The following XKR4 variants were observed in gnomAD, a reference collection of about 807,000 sequenced individuals.
XKR4 encodes the protein XK-related protein 4.
A neutral mutation model predicts 53.9 loss-of-function variants in XKR4; 12 were observed. The ratio of observed to expected loss-of-function variants is 0.22; its 90% confidence interval spans 0.14 to 0.36. The LOEUF is 0.36. XKR4 is among the 10% of genes least tolerant of loss of function. The pLI, the probability that XKR4 is intolerant of heterozygous loss-of-function variation, is 1.00. For missense variants in XKR4, 799 were observed against 859.5 expected (o/e 0.93, Z 0.88); for synonymous variants, 354 against 362.4 (o/e 0.98, Z 0.26).
chr8:55,145,912 G>A lies in XKR4; in HGVS notation c.806+42618G>A, dbSNP rs539615684. Among the ~76,000 whole-genome samples the A allele has an allele frequency of 3.9e-5, 6 of 152,312 alleles. No homozygotes were observed. The East Asian group carries it at 1.2e-3, about 29-fold the overall frequency. On this transcript the variant is annotated intron_variant, in intron 1 of 2. Transcript: ENST00000327381. Reference sequence around the variant, plus strand: ...TTCATGTTTGGAAACAGATCTATCTGTGAAGTAAAGACATATCACTCATTT... The same window carrying A: ...TTCATGTTTGGAAACAGATCTATCTATGAAGTAAAGACATATCACTCATTT...
chr8:55,341,319 G>A (rs1803542711), intron 1 of XKR4, among the ~76,000 whole-genome samples: 1 of 152,154 alleles, frequency 6.6e-6, no homozygotes, highest in Non-Finnish European at 1.5e-5. Context: ...GGCAGCAGGG[G>A]TATTGATGCT....
chr8:55,474,675 A>G (rs1166946644), intron 2 of XKR4, among the ~76,000 whole-genome samples: 1 of 152,152 alleles, frequency 6.6e-6, no homozygotes, highest in Non-Finnish European at 1.5e-5. Context: ...ACTCTCAGGC[A>G]CTGATGATCA....
At chr8:55,314,244 T>C (rs1330398056) in intron 1 of XKR4, among the ~76,000 whole-genome samples, 10 of 152,226 alleles carry the variant, frequency 6.6e-5, no homozygotes, top group Non-Finnish European at 7.3e-5. Context: ...TGCCAAAAGC[T>C]GGCAGACAGA....
intron 2 of XKR4, among the ~76,000 whole-genome samples, chr8:55,474,048 G>T (rs1805936966): frequency 6.6e-6 from 1 of 151,990 alleles, no homozygotes. Context: ...AGGACTATAG[G>T]AGCACATCAC....
chr8:55,116,255 C>G (rs1270916928), intron 1 of XKR4, among the ~76,000 whole-genome samples: 1 of 152,084 alleles, frequency 6.6e-6, no homozygotes, highest in African/African-American at 2.4e-5. Flanking sequence ...TGTATCTACA[C>G]GGAGAAAGAA....
intron 1 of XKR4, among the ~76,000 whole-genome samples, chr8:55,317,917 C>A (rs1803126459): frequency 6.6e-6 from 1 of 152,106 alleles, no homozygotes; most frequent in Middle Eastern, 3.4e-3. Context: ...GTTGGAGAAT[C>A]CAGAAAAAAT....
chr8:55,191,113 TG>T (rs140200956), intron 1 of XKR4, among the ~76,000 whole-genome samples: 2,188 of 152,278 alleles, frequency 0.014, 28 homozygotes, highest in Non-Finnish European at 0.024. Context: ...CTTTAGAGCC[TG>T]GGTGAATAGG....
chr8:55,515,001 G>A (rs1428180039), intron 2 of XKR4, among the ~76,000 whole-genome samples: 1 of 152,146 alleles, frequency 6.6e-6, no homozygotes, highest in Non-Finnish European at 1.5e-5. Flanking sequence ...GATTATCTGA[G>A]ATATGTTTTC....
rs188568075 is a variant in XKR4 at position 55,382,739 on chromosome 8, A to G, written c.1006+24862A>G. 1.2e-3 allele frequency among the ~76,000 whole-genome samples: 184 copies of G among 152,294 alleles called. 7 individuals are homozygous for G. The highest frequency in any genetic ancestry group is 0.011 in the Admixed American group (172 of 15,294). On this transcript the variant is annotated intron_variant, in intron 2 of 2. Transcript: ENST00000327381. The stretch of plus-strand genomic sequence containing the variant: ...TATATTCTGGAGAGTAGTTCCATTT[A>G]TCAATACTTGATTTCTTTTTAGCAT...
chr8:55,310,025 G>A (rs1291292388), intron 1 of XKR4, among the ~76,000 whole-genome samples: 1 of 151,962 alleles, frequency 6.6e-6, no homozygotes, highest in Non-Finnish European at 1.5e-5. Flanking sequence ...GGAAACTCTA[G>A]TCAATATTTG....
intron 1 of XKR4, among the ~76,000 whole-genome samples, chr8:55,350,025 T>TACAC (rs752141491): frequency 6.6e-6 from 1 of 152,058 alleles, no homozygotes; most frequent in Non-Finnish European, 1.5e-5. Flanking sequence ...CACACACACA[T>TACAC]ACACACACAC....
intron 2 of XKR4, among the ~76,000 whole-genome samples, chr8:55,373,591 TG>T (rs1804103921): frequency 6.6e-6 from 1 of 152,232 alleles, no homozygotes; most frequent in Non-Finnish European, 1.5e-5. Context: ...GAGCCTTCAA[TG>T]AAGGGGCACC....
intron 1 of XKR4, among the ~76,000 whole-genome samples, chr8:55,286,841 A>G (rs955005015): frequency 6.6e-6 from 1 of 152,230 alleles, no homozygotes; most frequent in Non-Finnish European, 1.5e-5. Context: ...TTAAAATACC[A>G]AGAATTAAAA....
intron 1 of XKR4, among the ~76,000 whole-genome samples, chr8:55,152,992 G>A (rs1016489282): frequency 6.6e-6 from 1 of 152,144 alleles, no homozygotes; most frequent in African/African-American, 2.4e-5. Context: ...GGTTAAAATG[G>A]AGAAGCACTA....
chr8:55,503,476 T>C (rs553141341), intron 2 of XKR4, among the ~76,000 whole-genome samples: 5 of 152,294 alleles, frequency 3.3e-5, no homozygotes, highest in Admixed American at 2.0e-4. Flanking sequence ...TTCCTTTTCA[T>C]GTTTCCATTA....
intron 2 of XKR4, among the ~76,000 whole-genome samples, chr8:55,421,572 C>T (rs1804933034): frequency 6.6e-6 from 1 of 152,158 alleles, no homozygotes; most frequent in African/African-American, 2.4e-5. Flanking sequence ...CGTCAACAGA[C>T]AACAGGCCTG....
chr8:55,193,550 C>T (rs1186760271), intron 1 of XKR4, among the ~76,000 whole-genome samples: 1 of 152,186 alleles, frequency 6.6e-6, no homozygotes, highest in East Asian at 1.9e-4. Context: ...TACAGCTGCT[C>T]TCTGGGGTCC....
chr8:55,441,822 T>A (rs1476933025), intron 2 of XKR4, among the ~76,000 whole-genome samples: 1 of 152,170 alleles, frequency 6.6e-6, no homozygotes, highest in Non-Finnish European at 1.5e-5. Context: ...AATAAAAGCA[T>A]GATATATTAT....
chr8:55,491,597 G>A (rs1394309628), intron 2 of XKR4, among the ~76,000 whole-genome samples: 1 of 151,788 alleles, frequency 6.6e-6, no homozygotes, highest in South Asian at 2.1e-4. Flanking sequence ...TGCTCCAGGT[G>A]TTCAATGGGC....
Sources: gnomAD v4.1 joint callset for allele counts (sites outside exome capture counted in the v4.1 genomes callset) on GRCh38, gnomAD v4.1.1 for gene constraint, MANE v1.5 for transcripts, NCBI Gene and HGNC (gene_info 2026-07-23, HGNC 2026-07-21) for gene names.